FUT9: variants seen among roughly 807,000 people sequenced by gnomAD.
FUT9 encodes 4-galactosyl-N-acetylglucosaminide 3-alpha-L-fucosyltransferase 9.
A neutral mutation model predicts 29.7 loss-of-function variants in FUT9; 15 were observed. The observed-to-expected ratio is 0.51, with a 90% CI of 0.34 to 0.78. The LOEUF (loss-of-function observed/expected upper bound fraction) is 0.78, where lower values mean the gene tolerates loss of function less well. Ranked by LOEUF, FUT9 falls within the 30% of genes least tolerant of loss-of-function variation. FUT9 has a pLI of 0.01. For missense variants in FUT9, 319 were observed against 425.4 expected, an observed-to-expected ratio of 0.75 and a Z score of 2.20; for synonymous variants, 169 against 153.7, an observed-to-expected ratio of 1.10 and a Z score of -0.74.
rs11967741 is a variant in FUT9, at chr6:96,166,674, C to T, written c.-8-36474C>T. Among the ~76,000 whole-genome samples the T allele has an allele frequency of 9.4e-3, 1,435 of 152,166 alleles. 24 individuals are homozygous for T. Among genetic ancestry groups the T allele is most frequent in the African/African-American group, 0.033 (1,375 of 41,520 alleles). On this transcript the variant is annotated intron_variant, in intron 2 of 2. Transcript: ENST00000302103. ...TTAGTAAGAGGCAATAAATGTATGT[C>T]GCACTACATAGTTGCCCCTCAGTAT...
At chr6:96,118,630 G>A (rs909560183) in intron 2 of FUT9, among the ~76,000 whole-genome samples, 1 of 152,118 alleles carries the variant, frequency 6.6e-6, no homozygotes, top group African/African-American at 2.4e-5. Context: ...TCATTATTTA[G>A]AGTGTACTTC....
In FUT9 at chr6:96,069,935, G is replaced by C. The variant is rs545848817; in HGVS notation, c.-97-44104G>C. Among the ~76,000 whole-genome samples the C allele has an allele frequency of 9.2e-5, 14 of 151,972 alleles. No homozygotes were observed. The East Asian group carries it at 1.5e-3, about 17-fold the overall frequency. ...CGTGAGCCACCGCACCCAGCTAACA[G>C]AGCAAATTATTAAAACACAGCTAAA... On this transcript the variant is annotated intron_variant, in intron 1 of 2. Coordinates refer to ENST00000302103, the MANE Select transcript of FUT9 (RefSeq NM_006581.4).
intron 2 of FUT9, among the ~76,000 whole-genome samples, chr6:96,185,929 A>T (rs949673617): frequency 2.0e-4 from 31 of 152,210 alleles, no homozygotes; most frequent in Admixed American, 1.6e-3. Flanking sequence ...GGAGCCAAAA[A>T]ATTTCCCGAT....
At chr6:96,024,310 A>G (rs1027597351) in intron 1 of FUT9, among the ~76,000 whole-genome samples, 5 of 151,866 alleles carry the variant, frequency 3.3e-5, no homozygotes, top group African/African-American at 1.2e-4. Context: ...ACTTCTAGTA[A>G]TATTTCTCTT....
intron 2 of FUT9, among the ~76,000 whole-genome samples, chr6:96,175,205 T>C (rs1305950207): frequency 7.2e-5 from 11 of 152,058 alleles, no homozygotes; most frequent in African/African-American, 1.4e-4. Flanking sequence ...GACATTACAG[T>C]TTAGGAGAGA....
chr6:96,047,345 C>T (rs1003238556), intron 1 of FUT9, among the ~76,000 whole-genome samples: 2 of 152,188 alleles, frequency 1.3e-5, no homozygotes, highest in African/African-American at 4.8e-5. Context: ...GGACATTTGC[C>T]TCTGCTTCTA....
Position 96,088,128 on chromosome 6 carries a change from A to G in FUT9, c.-97-25911A>G, listed in dbSNP as rs184576610. On this transcript the variant is annotated intron_variant, in intron 1 of 2. Transcript: ENST00000302103. The stretch of plus-strand genomic sequence containing the variant: ...TCTTCTTCTTTGGCTGCTTTGAGAA[A>G]TATCTAATGTAAATGACAAGTTGAT... 2.4e-4 allele frequency among the ~76,000 whole-genome samples: 37 copies of G among 152,266 alleles called. No homozygotes were observed. The East Asian group carries it at 7.1e-3, about 29-fold the overall frequency.
chr6:96,024,512 T>G (rs1250129573), intron 1 of FUT9, among the ~76,000 whole-genome samples: 1 of 151,736 alleles, frequency 6.6e-6, no homozygotes, highest in Non-Finnish European at 1.5e-5. Flanking sequence ...CACCATCTAT[T>G]TCATCCTTGG....
chr6:96,203,394 C>T lies in FUT9; in HGVS notation c.239C>T (p.Thr80Ile). Reference protein sequence around the residue: ...VWPFGQTFDLTSCQAMFNIQG... With the variant: ...VWPFGQTFDLISCQAMFNIQG... ...CCATTTGGGCAGACCTTTGACCTTA[C>T]ATCCTGCCAAGCAATGTTCAACATC... is the stretch of plus-strand genomic sequence containing the variant. The change falls in exon 3 of 3, where the codon ACA becomes ATA. Residue 80 changes from threonine (T) to isoleucine (I), a missense_variant. Coordinates refer to ENST00000302103, the MANE Select transcript of FUT9 (RefSeq NM_006581.4). The T allele has an allele frequency of 6.2e-7, 1 of 1,610,880 alleles. No individual in the cohort carries two copies. Among genetic ancestry groups the T allele is most frequent in the Non-Finnish European group, 8.5e-7 (1 of 1,177,922 alleles).
At chr6:96,118,380 A>C (rs1180160620) in intron 2 of FUT9, among the ~76,000 whole-genome samples, 1 of 152,160 alleles carries the variant, frequency 6.6e-6, no homozygotes, top group Non-Finnish European at 1.5e-5. Flanking sequence ...ATGATTGACC[A>C]CATGTACATC....
intron 2 of FUT9, among the ~76,000 whole-genome samples, chr6:96,162,291 G>T (rs1184267117): frequency 3.3e-5 from 5 of 151,996 alleles, no homozygotes; most frequent in Admixed American, 6.6e-5. Flanking sequence ...ACATATTTAT[G>T]AAATACAGCA....
At chr6:96,172,135 G>C (rs1199088279) in intron 2 of FUT9, among the ~76,000 whole-genome samples, 1 of 152,086 alleles carries the variant, frequency 6.6e-6, no homozygotes, top group Non-Finnish European at 1.5e-5. Flanking sequence ...GGTGGAAAGA[G>C]TTCCTGGGAT....
At chr6:96,026,039 T>A (rs1439045653) in intron 1 of FUT9, among the ~76,000 whole-genome samples, 1 of 151,716 alleles carries the variant, frequency 6.6e-6, no homozygotes, top group Non-Finnish European at 1.5e-5. Flanking sequence ...TAATGGGCAG[T>A]GAACATGCCT....
In FUT9 at chr6:96,212,034, T is replaced by G. The variant is rs1773946683; in HGVS notation, c.*7799T>G. The G allele has an allele frequency of 2.4e-6, 1 of 412,016 alleles. No individual in the cohort carries two copies. Among genetic ancestry groups the G allele is most frequent in the South Asian group, 1.3e-4 (1 of 7,834 alleles). 25.5% of individuals were successfully genotyped at this position (412,016 alleles called of 1,614,324 possible). ...AATTCTACAGAAAGTTATGCTAACA[T>G]GCTAACTTTCCACACATGGCTGCAT... is the stretch of plus-strand genomic sequence containing the variant. On this transcript the variant is annotated 3_prime_UTR_variant, in exon 3 of 3. Coordinates refer to ENST00000302103, the MANE Select transcript of FUT9 (RefSeq NM_006581.4).
intron 2 of FUT9, among the ~76,000 whole-genome samples, chr6:96,125,983 A>T (rs960711808): frequency 7.2e-5 from 11 of 152,204 alleles, no homozygotes; most frequent in Non-Finnish European, 1.6e-4. Context: ...CTTTTCAGCG[A>T]GTGAAGGTTG....
chr6:96,139,603 T>C (rs1228012075), intron 2 of FUT9, among the ~76,000 whole-genome samples: 1 of 152,208 alleles, frequency 6.6e-6, no homozygotes, highest in African/African-American at 2.4e-5. Flanking sequence ...GGCAAACTTC[T>C]GCCTGGACAT....
chr6:96,174,923 G>T (rs1347926482), intron 2 of FUT9, among the ~76,000 whole-genome samples: 2 of 152,072 alleles, frequency 1.3e-5, no homozygotes, highest in Admixed American at 6.6e-5. Context: ...TGTGCATTTA[G>T]AAAAAATCAT....
intron 2 of FUT9, among the ~76,000 whole-genome samples, chr6:96,175,084 CTT>C (rs34458314): frequency 2.1e-5 from 3 of 145,192 alleles, no homozygotes; most frequent in Admixed American, 6.9e-5. Context: ...AGATTGAAGA[CTT>C]TTTTTTTTTT....
intron 1 of FUT9, among the ~76,000 whole-genome samples, chr6:96,043,988 T>C (rs1309758412): frequency 1.3e-5 from 2 of 152,334 alleles, no homozygotes; most frequent in East Asian, 3.9e-4. Context: ...AGCATCACTT[T>C]GGCTCAGGGT....
Sources: gnomAD v4.1 joint callset for allele counts (sites outside exome capture counted in the v4.1 genomes callset) on GRCh38, gnomAD v4.1.1 for gene constraint, MANE v1.5 for transcripts, NCBI Gene and HGNC (gene_info 2026-07-23, HGNC 2026-07-21) for gene names.